Variants in CFAP44 observed in about 807,000 individuals in gnomAD.
CFAP44 encodes the protein cilia and flagella associated protein 44, also known as cilia- and flagella-associated protein 44.
Under a neutral mutation model 216.2 loss-of-function variants are expected in CFAP44, and 134 were observed. The ratio of observed to expected loss-of-function variants is 0.62; its 90% confidence interval spans 0.54 to 0.72. CFAP44 has a LOEUF of 0.72. Among genes scored for constraint, CFAP44 ranks in the 30% least tolerant of loss-of-function variants. CFAP44 has a pLI of 0.00. For missense variants in CFAP44, 2,035 were observed against 2,182.1 expected, an observed-to-expected ratio of 0.93 and a Z score of 1.34; for synonymous variants, 700 against 727.6, an observed-to-expected ratio of 0.96 and a Z score of 0.61.
In CFAP44 at chr3:113,344,664, CA is replaced by C; in HGVS notation, c.3113del (p.Leu1038ArgfsTer61). 1 of 1,536,196 alleles carries C rather than the reference CA, an allele frequency of 6.5e-7. No homozygotes were observed. Among genetic ancestry groups the C allele is most frequent in the Non-Finnish European group, 8.7e-7 (1 of 1,146,614 alleles). ...TGTAAGAGGATATCTTGTGGTCACTCAGTATGGCATGAACCACAATAGTATC... is the reference window on the plus strand; with the variant it reads ...TGTAAGAGGATATCTTGTGGTCACTCGTATGGCATGAACCACAATAGTATC... ...ESDTIVVHAILSDHKISSYRL... is the reference protein window; with the variant it reads ...ESDTIVVHAIXSDHKISSYRL... On this transcript the variant is annotated frameshift_variant, in exon 23 of 35. Transcript: ENST00000393845. LOFTEE classifies it high-confidence loss of function.
In CFAP44 at chr3:113,287,153, CA is replaced by C. The variant is rs1949765367; in HGVS notation, c.*4403del. On this transcript the variant is annotated 3_prime_UTR_variant, in exon 35 of 35. Coordinates refer to ENST00000393845, the MANE Select transcript of CFAP44 (RefSeq NM_001164496.2). Reference sequence around the variant, plus strand: ...TCCTAACCTGGGGCCTCTGCAGTGGCAGGCGAGGCTGCAGGAGGCCCACAGA... The same window carrying C: ...TCCTAACCTGGGGCCTCTGCAGTGGCGGCGAGGCTGCAGGAGGCCCACAGA... 9.1e-6 allele frequency: 4 copies of C among 439,952 alleles called. No homozygotes were observed. The highest frequency in any genetic ancestry group is 5.1e-5 in the South Asian group (3 of 58,442). The allele number at this position is 439,952 out of a possible 1,614,324, so 27.3% of individuals were successfully genotyped here.
chr3:113,436,590 G>A (rs1935245622), intron 1 of CFAP44, among the ~76,000 whole-genome samples: 4 of 152,190 alleles, frequency 2.6e-5, no homozygotes, highest in South Asian at 2.1e-4. Context: ...TCTGACAGTC[G>A]TGACTGAAGT....
In CFAP44 at chr3:113,428,107, A is replaced by G. The variant is rs558333241; in HGVS notation, c.101-768T>C. Among the ~76,000 whole-genome samples the G allele has an allele frequency of 2.6e-5, 4 of 152,370 alleles. No homozygotes were observed. In the East Asian group the frequency reaches 7.7e-4, roughly 29 times the overall value. On this transcript the variant is annotated intron_variant, in intron 2 of 34. Transcript: ENST00000393845. ...GATGCGTGTATTTGGATGGCAAGAA[A>G]GTAATCCTGGGTGCCTAAATAGGCC...
In CFAP44 at chr3:113,327,793, A is replaced by G. The variant is rs13064411; in HGVS notation, c.4143T>C (p.Asp1381=). The stretch of plus-strand genomic sequence containing the variant: ...GATGTCTAAGGAGACGGAGTTCTGC[A>G]TCGAAAGTGACAACCAGTTCTTTGA... ...NRIKELVVTF[D]AELRLLRHQK... Residue 1381 remains aspartate, a synonymous_variant, in exon 27 of 35, where the codon GAT becomes GAC. Transcript: ENST00000393845. 0.14 allele frequency: 207,820 copies of G among 1,536,600 alleles called. 15,072 individuals carry two copies. Among genetic ancestry groups the G allele is most frequent in the Non-Finnish European group, 0.15 (171,828 of 1,146,408 alleles).
At chr3:113,296,693 C>A (rs929859112) in intron 33 of CFAP44, 32 bp downstream of exon 33, 1 of 1,529,440 alleles carries the variant, frequency 6.5e-7, no homozygotes, top group Non-Finnish European at 8.8e-7. Flanking sequence ...CAGCCAGATT[C>A]AACCAAAGAT....
At chr3:113,321,483 A>C (rs1251727599) in intron 28 of CFAP44, among the ~76,000 whole-genome samples, 1 of 152,204 alleles carries the variant, frequency 6.6e-6, no homozygotes, top group Non-Finnish European at 1.5e-5. Flanking sequence ...GCCCACTCTC[A>C]CCATTCTATT....
At chr3:113,426,367 C>A in intron 3 of CFAP44, 90 bp from the exon 4 acceptor site, 1 of 1,418,052 alleles carries the variant, frequency 7.1e-7, no homozygotes, top group East Asian at 2.4e-5. Context: ...CCATAATCTC[C>A]ACATGTCATG....
Position 113,324,926 on chromosome 3 carries a change from G to A in CFAP44, c.4516+1519C>T, listed in dbSNP as rs779302516. On this transcript the variant is annotated intron_variant, in intron 28 of 34. Transcript: ENST00000393845. ...TCTTAGAACTAATAAGTAAGGTTAC[G>A]GGATATCAGCTAAACATGTAAAAAT... Among the ~76,000 whole-genome samples the A allele has an allele frequency of 4.6e-5, 7 of 152,256 alleles. 1 individual carries two copies. In the South Asian group the frequency reaches 6.2e-4, roughly 14 times the overall value.
In CFAP44 at chr3:113,366,317, A is replaced by T; in HGVS notation, c.2445-8T>A. The T allele has an allele frequency of 6.3e-7, 1 of 1,587,522 alleles. No individual in the cohort carries two copies. ...ATCATAACTTTGTTAATGCTACGAA[A>T]CAAAAAATGTAAATTGTTCTTCCCA... On this transcript the variant is annotated splice_region_variant and splice_polypyrimidine_tract_variant and intron_variant, in intron 18 of 34. Transcript: ENST00000393845.
intron 26 of CFAP44, among the ~76,000 whole-genome samples, chr3:113,328,694 CT>C (rs200946828): frequency 0.24 from 2,742 of 11,292 alleles, 317 homozygotes; most frequent in African/African-American, 0.4. Context: ...ATTTAGAGAG[CT>C]TAAAAAAAAA....
rs1427690848 is a variant in CFAP44 at position 113,403,854 on chromosome 3, T to G, written c.1168A>C (p.Arg390=). ...ATCCAAGTATCGAGAAAACTTACCC[T>G]AACATATCCATCTGACCCAACAGTG... ...VITVGSDGYV[R]IWDFETIDTA... The change falls in exon 9 of 35, where the codon AGG becomes CGG. Residue 390 remains arginine, a splice_region_variant and synonymous_variant. Coordinates refer to ENST00000393845, the MANE Select transcript of CFAP44 (RefSeq NM_001164496.2). The G allele has an allele frequency of 3.7e-6, 6 of 1,612,468 alleles. No homozygotes were observed.
chr3:113,388,540 T>C (rs1007492674), intron 15 of CFAP44, among the ~76,000 whole-genome samples: 1 of 152,124 alleles, frequency 6.6e-6, no homozygotes, highest in African/African-American at 2.4e-5. Context: ...AGTCCTTACT[T>C]ATCAACAATA....
At chr3:113,291,896 T>C (rs1269492646) in intron 34 of CFAP44, 148 bp from the exon 35 acceptor site, 1 of 871,750 alleles carries the variant, frequency 1.1e-6, no homozygotes, top group Non-Finnish European at 1.7e-6. Flanking sequence ...TCAATTCCTC[T>C]GCTAAAATCC....
At chr3:113,321,071 AAAGAAAACTT>A (rs1212410904) in intron 28 of CFAP44, among the ~76,000 whole-genome samples, 1 of 152,094 alleles carries the variant, frequency 6.6e-6, no homozygotes, top group Non-Finnish European at 1.5e-5. Context: ...TATGATGAAG[AAAGAAAACTT>A]CAGGCTAATA....
At chr3:113,294,934 T>C in intron 33 of CFAP44, 113 bp from the exon 34 acceptor site, 1 of 1,253,484 alleles carries the variant, frequency 8.0e-7, no homozygotes, top group Non-Finnish European at 1.1e-6. Flanking sequence ...TGTGCCCATA[T>C]GAAAATATAA....
At chr3:113,419,477 C>T (rs765726272) in intron 5 of CFAP44, among the ~76,000 whole-genome samples, 2 of 152,126 alleles carry the variant, frequency 1.3e-5, no homozygotes, top group Non-Finnish European at 2.9e-5. Context: ...AACAAACTCT[C>T]CGAGGACATG....
At chr3:113,365,042 T>C (rs1417987972) in intron 19 of CFAP44, among the ~76,000 whole-genome samples, 1 of 152,154 alleles carries the variant, frequency 6.6e-6, no homozygotes, top group African/African-American at 2.4e-5. Context: ...CTATCCAATA[T>C]GGGTTTCTGT....
At chr3:113,335,835 G>A (rs533467615) in intron 24 of CFAP44, among the ~76,000 whole-genome samples, 5 of 152,094 alleles carry the variant, frequency 3.3e-5, no homozygotes, top group Non-Finnish European at 5.9e-5. Context: ...CTGTATATGC[G>A]TGGCCATAAC....
chr3:113,363,219 C>T lies in CFAP44; in HGVS notation c.2860G>A (p.Ala954Thr), dbSNP rs994436015. Residue 954 changes from alanine to threonine, a missense_variant, in exon 21 of 35, where the codon GCT becomes ACT. Physicochemically the swap from Ala to Thr is moderately conservative, Grantham distance 58. This residue lies in a region of CFAP44 where 1,883 missense variants were observed against 2,023.7 expected (regional missense o/e 0.93). Coordinates refer to ENST00000393845, the MANE Select transcript of CFAP44 (RefSeq NM_001164496.2). ...IKARKREQIK[A>T]LRSEFCNLLE... is the part of the protein sequence containing the mutation. ...AGATTACAAAATTCACTCCTCAAAG[C>T]TTTGATTTGCTCTCTCTTCCGTGCC... 2 of 1,613,368 alleles carry T rather than the reference C, an allele frequency of 1.2e-6. No individual in the cohort carries two copies. Among genetic ancestry groups the T allele is most frequent in the Non-Finnish European group, 1.7e-6 (2 of 1,179,804 alleles).
Sources: allele counts gnomAD v4.1 joint callset (sites outside exome capture counted in the v4.1 genomes callset), GRCh38; gene constraint gnomAD v4.1.1; regional missense constraint gnomAD v4.1.1; transcripts MANE v1.5; gene names NCBI Gene and HGNC (gene_info 2026-07-23, HGNC 2026-07-21).